The following ANO10 variants were observed in gnomAD, a reference collection of about 807,000 sequenced individuals.
ANO10 encodes the protein anoctamin-10.
In ANO10, 77 loss-of-function variants were observed where a neutral mutation model predicts 74.7. The observed-to-expected ratio is 1.03, with a 90% CI of 0.86 to 1.25. ANO10 has a LOEUF of 1.25. ANO10 is among the 50% of genes most tolerant of loss of function. ANO10 has a pLI of 0.00. For synonymous variants in ANO10, 279 were observed against 284.9 expected, an observed-to-expected ratio of 0.98 and a Z score of 0.21; for missense variants, 721 against 778.1, an observed-to-expected ratio of 0.93 and a Z score of 0.87.
chr3:43,604,154 A>G lies in ANO10; in HGVS notation c.139+1560T>C, dbSNP rs186313718. Among the ~76,000 whole-genome samples, 64 of 152,304 alleles carry G rather than the reference A, an allele frequency of 4.2e-4. 3 individuals carry two copies. The East Asian group carries it at 0.012, about 28-fold the overall frequency. ...ACATAGTAGTGCTTCAATACCTATA[A>G]TGTAGCGTGCTCAGATCAGGGTAGT... is the stretch of plus-strand genomic sequence containing the variant. On this transcript the variant is annotated intron_variant, in intron 2 of 12. Coordinates refer to ENST00000292246, the MANE Select transcript of ANO10 (RefSeq NM_018075.5).
upstream of ANO10, among the ~76,000 whole-genome samples, chr3:43,623,183 G>A (rs2083456210): frequency 6.6e-6 from 1 of 152,082 alleles, no homozygotes; most frequent in Non-Finnish European, 1.5e-5. Flanking sequence ...AGTGTTTTTA[G>A]TTACCCAGGG....
intron 1 of ANO10, among the ~76,000 whole-genome samples, chr3:43,679,556 C>T (rs763041507): frequency 6.0e-4 from 92 of 152,220 alleles, no homozygotes; most frequent in Non-Finnish European, 1.1e-3. Context: ...ACTCTGCAGA[C>T]TTAAATGTCC....
chr3:43,423,846 T>G (rs2092857458), intron 12 of ANO10, among the ~76,000 whole-genome samples: 1 of 152,216 alleles, frequency 6.6e-6, no homozygotes, highest in Admixed American at 6.5e-5. Context: ...GCTCATGTTC[T>G]CACACACTAC....
chr3:43,590,243 C>T (rs2081666830), intron 4 of ANO10, among the ~76,000 whole-genome samples: 1 of 152,064 alleles, frequency 6.6e-6, no homozygotes, highest in Admixed American at 6.6e-5. Context: ...ATACAGTTCA[C>T]AGTAGGCTAG....
At chr3:43,599,631 C>T (rs191542857) in intron 3 of ANO10, among the ~76,000 whole-genome samples, 220 of 152,154 alleles carry the variant, frequency 1.4e-3, no homozygotes, top group African/African-American at 5.1e-3. Flanking sequence ...CTTGGCCAGG[C>T]GCGGTGGCTC....
chr3:43,513,812 CA>C (rs1380345683), intron 11 of ANO10, among the ~76,000 whole-genome samples: 1 of 151,946 alleles, frequency 6.6e-6, no homozygotes, highest in Non-Finnish European at 1.5e-5. Flanking sequence ...TGCCCAGCCA[CA>C]CACTTCTATG....
intron 1 of ANO10, among the ~76,000 whole-genome samples, chr3:43,632,674 T>G (rs2083561457): frequency 2.6e-5 from 4 of 152,280 alleles, no homozygotes; most frequent in Admixed American, 2.6e-4. Flanking sequence ...CATGTTTTGC[T>G]GCCCTAAATA....
chr3:43,484,623 C>T (rs2076394374), intron 11 of ANO10, among the ~76,000 whole-genome samples: 1 of 152,318 alleles, frequency 6.6e-6, no homozygotes, highest in African/African-American at 2.4e-5. Context: ...TTTGTGGCAA[C>T]AAAGTCTATT....
At position 43,605,235 on chromosome 3, in the gene ANO10, C is replaced by G. The variant is rs568212876; in HGVS notation, c.139+479G>C. 2.4e-4 allele frequency among the ~76,000 whole-genome samples: 36 copies of G among 152,286 alleles called. No homozygotes were observed. In the East Asian group the frequency reaches 6.8e-3, roughly 29 times the overall value. ...AGTAAGTATACACGATTCATTTGTT[C>G]ATGCCATGCACTGCTTTGTGACAGC... On this transcript the variant is annotated intron_variant, in intron 2 of 12. Transcript: ENST00000292246.
At chr3:43,438,317 G>T (rs2093104780) in intron 11 of ANO10, among the ~76,000 whole-genome samples, 1 of 151,956 alleles carries the variant, frequency 6.6e-6, no homozygotes, top group African/African-American at 2.4e-5. Context: ...GGTGCCACAT[G>T]CCTGATGTCC....
At chr3:43,521,978 C>T (rs1408621450) in intron 11 of ANO10, among the ~76,000 whole-genome samples, 1 of 152,138 alleles carries the variant, frequency 6.6e-6, no homozygotes, top group Non-Finnish European at 1.5e-5. Context: ...GAATGAGGTT[C>T]TGATACATAC....
intron 12 of ANO10, among the ~76,000 whole-genome samples, chr3:43,387,561 T>C (rs1027266613): frequency 7.9e-5 from 12 of 152,118 alleles, no homozygotes; most frequent in Non-Finnish European, 1.8e-4. Flanking sequence ...GAGATCCCCT[T>C]TCCATTTTTC....
intron 11 of ANO10, among the ~76,000 whole-genome samples, chr3:43,460,784 T>G (rs186711189): frequency 1.5e-3 from 219 of 150,134 alleles, no homozygotes; most frequent in African/African-American, 5.2e-3. Context: ...GGAGAGAGGG[T>G]TTTTTTTAAA....
chr3:43,400,767 C>A (rs1350848739), intron 12 of ANO10, among the ~76,000 whole-genome samples: 1 of 151,914 alleles, frequency 6.6e-6, no homozygotes, highest in Non-Finnish European at 1.5e-5. Flanking sequence ...GAGAGTGAGA[C>A]CCTGTCTCAA....
chr3:43,620,615 T>C (rs2083341879), intron 1 of ANO10, among the ~76,000 whole-genome samples: 1 of 152,022 alleles, frequency 6.6e-6, no homozygotes, highest in African/African-American at 2.4e-5. Flanking sequence ...CCATCTCTAC[T>C]AAAAACACAA....
chr3:43,616,667 A>G lies in ANO10; in HGVS notation c.-12+5242T>C, dbSNP rs137972816. Among the ~76,000 whole-genome samples, 547 of 152,286 alleles carry G rather than the reference A, an allele frequency of 3.6e-3. 4 individuals carry two copies. The highest frequency in any genetic ancestry group is 0.012 in the African/African-American group (518 of 41,552). Reference sequence around the variant, plus strand: ...CACTGCAGTGACACGGTCCACAGTAAGAACCAGCTCTGCTCCTCTTGTGCC... The same window carrying G: ...CACTGCAGTGACACGGTCCACAGTAGGAACCAGCTCTGCTCCTCTTGTGCC... On this transcript the variant is annotated intron_variant, in intron 1 of 12. Coordinates refer to ENST00000292246, the MANE Select transcript of ANO10 (RefSeq NM_018075.5).
At chr3:43,602,426 C>A (rs2082375753) in intron 2 of ANO10, among the ~76,000 whole-genome samples, 1 of 152,160 alleles carries the variant, frequency 6.6e-6, no homozygotes, top group Non-Finnish European at 1.5e-5. Flanking sequence ...CAACCTCCAC[C>A]TCTGGGTTCA....
chr3:43,690,851 C>A, intron 1 of ANO10: 2 of 846,240 alleles, frequency 2.4e-6, no homozygotes, highest in Non-Finnish European at 1.6e-6. Context: ...CAAACGCGGG[C>A]GCGCCGCCGG....
chr3:43,552,730 G>A (rs34380999), intron 10 of ANO10, among the ~76,000 whole-genome samples: 288 of 101,834 alleles, frequency 2.8e-3, no homozygotes, highest in Middle Eastern at 5.2e-3. Flanking sequence ...ATATATATAT[G>A]TATGTATGTA....
Sources: gnomAD v4.1 joint callset for allele counts (sites outside exome capture counted in the v4.1 genomes callset) on GRCh38, gnomAD v4.1.1 for gene constraint, MANE v1.5 for transcripts, NCBI Gene and HGNC (gene_info 2026-07-23, HGNC 2026-07-21) for gene names.